Variants in SLC4A10 observed in about 807,000 individuals in gnomAD.
The protein encoded by SLC4A10 is solute carrier family 4 member 10.
SLC4A10 carries 42 observed loss-of-function variants against 137.7 expected under a neutral mutation model. That is an observed-to-expected ratio of 0.30 (90% confidence interval 0.24 to 0.39). The LOEUF is 0.39. Among genes scored for constraint, SLC4A10 ranks in the 10% least tolerant of loss-of-function variants. The pLI is 1.00. For missense variants in SLC4A10, 925 were observed against 1,355.0 expected (o/e 0.68, Z 4.98); for synonymous variants, 474 against 464.1 (o/e 1.02, Z -0.27).
chr2:161,639,243 G>A (rs2034930160), intron 1 of SLC4A10, among the ~76,000 whole-genome samples: 1 of 152,006 alleles, frequency 6.6e-6, no homozygotes, highest in South Asian at 2.1e-4. Context: ...TCCAGAAATT[G>A]AAGTGAGGGG....
intron 26 of SLC4A10, among the ~76,000 whole-genome samples, chr2:161,981,334 C>G (rs1162685195): frequency 6.6e-6 from 1 of 152,206 alleles, no homozygotes; most frequent in African/African-American, 2.4e-5. Flanking sequence ...GTTATTCTAT[C>G]TTTCAAAAAA....
At chr2:161,971,198 A>T (rs191123454) in intron 23 of SLC4A10, among the ~76,000 whole-genome samples, 2 of 152,284 alleles carry the variant, frequency 1.3e-5, no homozygotes, top group Non-Finnish European at 1.5e-5. Context: ...TGCATAGCAC[A>T]TAATACATGC....
At chr2:161,945,972 A>G (rs993237083) in intron 16 of SLC4A10, among the ~76,000 whole-genome samples, 1 of 151,968 alleles carries the variant, frequency 6.6e-6, no homozygotes, top group African/African-American at 2.4e-5. Context: ...CTATGTAGCA[A>G]TTTTGCTACC....
intron 23 of SLC4A10, among the ~76,000 whole-genome samples, chr2:161,972,108 G>T (rs1698636615): frequency 6.6e-6 from 1 of 151,996 alleles, no homozygotes; most frequent in South Asian, 2.1e-4. Context: ...ATTCTACCTT[G>T]CTTCTTGACA....
chr2:161,646,403 C>G (rs77533166), intron 1 of SLC4A10, among the ~76,000 whole-genome samples: 2,792 of 151,996 alleles, frequency 0.018, 131 homozygotes, highest in East Asian at 0.13. Context: ...TTGCTAAAAA[C>G]AAATATGCTA....
intron 23 of SLC4A10, among the ~76,000 whole-genome samples, chr2:161,970,607 G>C (rs1698355836): frequency 6.6e-6 from 1 of 152,144 alleles, no homozygotes; most frequent in South Asian, 2.1e-4. Flanking sequence ...GCATATTCGT[G>C]AATATTGGTC....
chr2:161,699,319 C>T (rs901976562), intron 1 of SLC4A10, among the ~76,000 whole-genome samples: 7 of 152,016 alleles, frequency 4.6e-5, no homozygotes, highest in African/African-American at 1.2e-4. Context: ...CGCACCCGGC[C>T]GACATTTATT....
intron 1 of SLC4A10, among the ~76,000 whole-genome samples, chr2:161,757,760 A>G (rs1559180760): frequency 6.6e-6 from 1 of 152,162 alleles, no homozygotes; most frequent in Admixed American, 6.6e-5. Flanking sequence ...TGTAGCTACA[A>G]TGCTAACTAC....
chr2:161,690,310 G>A (rs141957038), intron 1 of SLC4A10, among the ~76,000 whole-genome samples: 93 of 152,262 alleles, frequency 6.1e-4, no homozygotes, highest in Non-Finnish European at 9.4e-4. Flanking sequence ...TGCTGACAAG[G>A]CTGTGGAGAA....
intron 1 of SLC4A10, among the ~76,000 whole-genome samples, chr2:161,649,653 A>G (rs1447568276): frequency 6.6e-6 from 1 of 151,842 alleles, no homozygotes; most frequent in Non-Finnish European, 1.5e-5. Context: ...GAGTTTTTCT[A>G]TAGAAGTTTT....
intron 2 of SLC4A10, among the ~76,000 whole-genome samples, chr2:161,777,909 T>G (rs533458565): frequency 6.6e-6 from 1 of 152,102 alleles, no homozygotes; most frequent in South Asian, 2.1e-4. Flanking sequence ...TTGCATATGG[T>G]ATAGGATGCC....
intron 1 of SLC4A10, among the ~76,000 whole-genome samples, chr2:161,660,392 G>C (rs969604363): frequency 6.6e-6 from 1 of 152,162 alleles, no homozygotes; most frequent in Non-Finnish European, 1.5e-5. Flanking sequence ...CCAAAATTGA[G>C]AAATATAGTT....
intron 2 of SLC4A10, among the ~76,000 whole-genome samples, chr2:161,792,187 G>A (rs895236508): frequency 7.2e-5 from 11 of 152,038 alleles, no homozygotes; most frequent in East Asian, 1.9e-4. Context: ...GTATTTGTGC[G>A]TATATGTATA....
intron 1 of SLC4A10, among the ~76,000 whole-genome samples, chr2:161,696,968 T>G (rs914265778): frequency 6.6e-6 from 1 of 152,184 alleles, no homozygotes; most frequent in African/African-American, 2.4e-5. Context: ...CCAGCATCTG[T>G]TGTTTCCTGA....
At chr2:161,957,904 A>G (rs547804209) in intron 20 of SLC4A10, among the ~76,000 whole-genome samples, 1 of 152,330 alleles carries the variant, frequency 6.6e-6, no homozygotes, top group Non-Finnish European at 1.5e-5. Flanking sequence ...AAATTATTTA[A>G]TGATTTACAC....
chr2:161,663,951 T>C (rs1677125453), intron 1 of SLC4A10, among the ~76,000 whole-genome samples: 2 of 152,048 alleles, frequency 1.3e-5, no homozygotes, highest in African/African-American at 2.4e-5. Flanking sequence ...GTAACATTTG[T>C]TTTCCTCCTG....
intron 1 of SLC4A10, among the ~76,000 whole-genome samples, chr2:161,666,721 A>G (rs3843854): frequency 0.87 from 132,086 of 151,580 alleles, 58,164 homozygotes; most frequent in East Asian, 1. Context: ...AGGATTTGCT[A>G]TATACTTACT....
chr2:161,778,902 A>G (rs745328012), intron 2 of SLC4A10, among the ~76,000 whole-genome samples: 3 of 151,922 alleles, frequency 2.0e-5, no homozygotes, highest in Non-Finnish European at 4.4e-5. Flanking sequence ...TTACTAGTTT[A>G]TTTCCTTTTG....
chr2:161,863,904 A>G (rs902631703), intron 6 of SLC4A10, among the ~76,000 whole-genome samples: 2 of 152,138 alleles, frequency 1.3e-5, no homozygotes, highest in African/African-American at 4.8e-5. Context: ...GTAGGCTTTA[A>G]AAGTTTCCAG....
Sources: allele counts gnomAD v4.1 joint callset (sites outside exome capture counted in the v4.1 genomes callset), GRCh38; gene constraint gnomAD v4.1.1; transcripts MANE v1.5; gene names NCBI Gene and HGNC (gene_info 2026-07-23, HGNC 2026-07-21).